Variants in NAT1 observed in about 807,000 individuals in gnomAD.
NAT1 encodes arylamine N-acetyltransferase 1.
For synonymous variants in NAT1, 144 were observed against 122.6 expected (o/e 1.17, Z -1.16); for missense variants, 400 against 339.2 (o/e 1.18, Z -1.41).
chr8:18,203,977 C>A (rs1803589760), intron 2 of NAT1, among the ~76,000 whole-genome samples: 1 of 152,142 alleles, frequency 6.6e-6, no homozygotes, highest in Non-Finnish European at 1.5e-5. Context: ...AAGATGGTGC[C>A]AATCAACTGG....
chr8:18,206,180 G>A (rs1418469388), upstream of NAT1, among the ~76,000 whole-genome samples: 2 of 152,176 alleles, frequency 1.3e-5, no homozygotes, highest in Non-Finnish European at 2.9e-5. Flanking sequence ...AAAGTGAGTT[G>A]CTCCATACCA....
intron 2 of NAT1, among the ~76,000 whole-genome samples, chr8:18,195,321 T>G (rs1381308519): frequency 6.6e-6 from 1 of 152,220 alleles, no homozygotes; most frequent in East Asian, 1.9e-4. Context: ...CTTCCAGAAC[T>G]GCAGTCCCTA....
At chr8:18,201,305 T>G (rs987521452) in intron 2 of NAT1, 1 of 152,152 alleles carries the variant, frequency 6.6e-6, no homozygotes, top group African/African-American at 2.4e-5. Flanking sequence ...TTGGATTCAT[T>G]CATGGGCTAA....
At chr8:18,172,381 C>T (rs184142202) in intron 2 of NAT1, among the ~76,000 whole-genome samples, 4 of 152,322 alleles carry the variant, frequency 2.6e-5, no homozygotes, top group East Asian at 3.9e-4. Context: ...CATCAAAACG[C>T]CTGCTGGGAA....
intron 2 of NAT1, among the ~76,000 whole-genome samples, chr8:18,170,988 A>C (rs1802077124): frequency 6.6e-6 from 1 of 152,188 alleles, no homozygotes; most frequent in Admixed American, 6.5e-5. Context: ...AACAGGGTTC[A>C]AAATCAAATT....
chr8:18,221,313 T>G (rs780996988), intron 2 of NAT1, among the ~76,000 whole-genome samples: 3 of 92,072 alleles, frequency 3.3e-5, no homozygotes, highest in Non-Finnish European at 6.0e-5. Context: ...TTTTGGTGTG[T>G]TTTTTTTTTT....
chr8:18,198,620 C>A (rs1309042676), intron 2 of NAT1, among the ~76,000 whole-genome samples: 1 of 152,122 alleles, frequency 6.6e-6, no homozygotes, highest in Non-Finnish European at 1.5e-5. Context: ...TTATTTTTCC[C>A]CAGTAGTACT....
chr8:18,201,802 G>T (rs1323818788), intron 2 of NAT1, among the ~76,000 whole-genome samples: 4 of 152,122 alleles, frequency 2.6e-5, no homozygotes, highest in Non-Finnish European at 4.4e-5. Context: ...TGATTTCGGG[G>T]TATCTAAGTG....
chr8:18,201,709 C>T (rs1452134822), intron 2 of NAT1, among the ~76,000 whole-genome samples: 1 of 152,154 alleles, frequency 6.6e-6, no homozygotes, highest in African/African-American at 2.4e-5. Flanking sequence ...CAGTGGAGTA[C>T]ACTGTGGAAG....
chr8:18,196,929 G>C (rs529545733), intron 2 of NAT1, among the ~76,000 whole-genome samples: 1 of 152,256 alleles, frequency 6.6e-6, no homozygotes, highest in South Asian at 2.1e-4. Flanking sequence ...GCTATAAAGA[G>C]TATTACCCAA....
intron 2 of NAT1, among the ~76,000 whole-genome samples, chr8:18,202,665 G>A (rs192798558): frequency 1.9e-4 from 29 of 152,262 alleles, no homozygotes; most frequent in Non-Finnish European, 3.7e-4. Context: ...GTCCGGAGTT[G>A]TTTGTCCCTC....
At chr8:18,193,370 C>A in intron 2 of NAT1, among the ~76,000 whole-genome samples, 1 of 149,310 alleles carries the variant, frequency 6.7e-6, no homozygotes, top group East Asian at 2.0e-4. Context: ...GGCAGGAAGA[C>A]TGCTTGAGCC....
chr8:18,198,038 T>A (rs949578248), intron 2 of NAT1, among the ~76,000 whole-genome samples: 7 of 152,020 alleles, frequency 4.6e-5, no homozygotes, highest in Admixed American at 1.3e-4. Flanking sequence ...AAAAAATAAA[T>A]TAAAAAGTAA....
At chr8:18,210,618 A>G (rs555565734) in intron 1 of NAT1, among the ~76,000 whole-genome samples, 1 of 152,170 alleles carries the variant, frequency 6.6e-6, no homozygotes, top group Non-Finnish European at 1.5e-5. Context: ...CTCTGTCCCC[A>G]GTGGTGTGTG....
intron 2 of NAT1, among the ~76,000 whole-genome samples, chr8:18,198,479 T>C (rs1464645941): frequency 2.6e-5 from 4 of 152,180 alleles, no homozygotes; most frequent in Admixed American, 6.5e-5. Context: ...TATCAAGAGC[T>C]CTCAGTAGTG....
At chr8:18,195,986 A>G (rs1803215411) in intron 2 of NAT1, among the ~76,000 whole-genome samples, 1 of 152,214 alleles carries the variant, frequency 6.6e-6, no homozygotes, top group African/African-American at 2.4e-5. Context: ...ATGCACTTTT[A>G]TGGGGTACAC....
At chr8:18,188,428 G>A (rs1802830242) in intron 2 of NAT1, among the ~76,000 whole-genome samples, 1 of 151,994 alleles carries the variant, frequency 6.6e-6, no homozygotes, top group African/African-American at 2.4e-5. Context: ...TTCCAGCATG[G>A]GGGAGGAGGG....
chr8:18,207,066 G>T (rs1282310310), upstream of NAT1, among the ~76,000 whole-genome samples: 1 of 152,028 alleles, frequency 6.6e-6, no homozygotes, highest in Non-Finnish European at 1.5e-5. Flanking sequence ...TAAGGAAGGG[G>T]TCTAGTTTCA....
At chr8:18,188,268 C>A (rs1187244895) in intron 2 of NAT1, among the ~76,000 whole-genome samples, 1 of 152,164 alleles carries the variant, frequency 6.6e-6, no homozygotes, top group Non-Finnish European at 1.5e-5. Flanking sequence ...GATGTCTGCC[C>A]AAGCCCACCT....
Sources: allele counts gnomAD v4.1 joint callset (sites outside exome capture counted in the v4.1 genomes callset), GRCh38; gene constraint gnomAD v4.1.1; transcripts MANE v1.5; gene names NCBI Gene and HGNC (gene_info 2026-07-23, HGNC 2026-07-21).